The following TTC7B variants were observed in gnomAD, a reference collection of about 807,000 sequenced individuals.
TTC7B encodes tetratricopeptide repeat protein 7B.
In TTC7B, 28 loss-of-function variants were observed where a neutral mutation model predicts 106.8. That is an observed-to-expected ratio of 0.26 (90% CI 0.19 to 0.36). The LOEUF (loss-of-function observed/expected upper bound fraction) is 0.36, where lower values mean the gene tolerates loss of function less well. Among genes scored for constraint, TTC7B ranks in the 10% least tolerant of loss-of-function variants. The pLI is 1.00. For synonymous variants in TTC7B, 405 were observed against 430.6 expected (o/e 0.94, Z 0.74); for missense variants, 862 against 1,076.4 (o/e 0.80, Z 2.79).
intron 19 of TTC7B, among the ~76,000 whole-genome samples, chr14:90,549,122 C>T (rs1172098397): frequency 2.1e-5 from 3 of 144,102 alleles, no homozygotes; most frequent in Admixed American, 1.4e-4. Flanking sequence ...AGCAAGACTC[C>T]GTCTCAAAAA....
At position 90,637,483 on chromosome 14, in the gene TTC7B, T is replaced by C. The variant is rs145982327; in HGVS notation, c.1751+6565A>G. Among the ~76,000 whole-genome samples, 750 of 151,968 alleles carry C rather than the reference T, an allele frequency of 4.9e-3. 6 individuals are homozygous for C. Among genetic ancestry groups the C allele is most frequent in the African/African-American group, 0.017 (717 of 41,422 alleles). On this transcript the variant is annotated intron_variant, in intron 15 of 19. Transcript: ENST00000328459. Reference sequence around the variant, plus strand: ...TCTCAGAACAAATAATTCCAAAACATGCAAAAAGAAAAAGTACTACTCCAA... The same window carrying C: ...TCTCAGAACAAATAATTCCAAAACACGCAAAAAGAAAAAGTACTACTCCAA...
At chr14:90,611,787 T>C (rs1427977871) in intron 16 of TTC7B, among the ~76,000 whole-genome samples, 1 of 152,182 alleles carries the variant, frequency 6.6e-6, no homozygotes, top group Non-Finnish European at 1.5e-5. Flanking sequence ...CTAACATGGA[T>C]TTCTTTTTTA....
intron 17 of TTC7B, chr14:90,602,106 T>C: frequency 2.2e-6 from 1 of 456,042 alleles, no homozygotes; most frequent in Non-Finnish European, 4.4e-6. Flanking sequence ...TGAGGGGCAG[T>C]ATTTGCCATA....
chr14:90,599,275 T>G (rs1034651003), intron 17 of TTC7B, among the ~76,000 whole-genome samples: 1 of 152,166 alleles, frequency 6.6e-6, no homozygotes, highest in African/African-American at 2.4e-5. Flanking sequence ...ATATTCCAGC[T>G]CTCCTTCTAA....
chr14:90,735,831 A>C (rs1889501346), intron 4 of TTC7B, among the ~76,000 whole-genome samples: 1 of 152,198 alleles, frequency 6.6e-6, no homozygotes, highest in Non-Finnish European at 1.5e-5. Context: ...TTAAAAATTC[A>C]ACCAAATCCC....
Position 90,578,363 on chromosome 14 carries a change from G to T in TTC7B, c.2108-55C>A. ...TCCTGGTGCCCCTCTGAGGCCCTGC[G>T]AGCAGCCACCACTCTGATGTTCGTG... On this transcript the variant is annotated intron_variant, in intron 18 of 19. Coordinates refer to ENST00000328459, the MANE Select transcript of TTC7B (RefSeq NM_001010854.2). This position sits in a 1 kb window ranked among gnomAD's most constrained non-coding sequence, Gnocchi z 4.7. The T allele has an allele frequency of 6.4e-7, 1 of 1,552,876 alleles. No homozygotes were observed. Among genetic ancestry groups the T allele is most frequent in the Non-Finnish European group, 8.8e-7 (1 of 1,138,648 alleles).
intron 17 of TTC7B, among the ~76,000 whole-genome samples, chr14:90,598,048 C>T (rs965036489): frequency 2.0e-5 from 3 of 152,234 alleles, no homozygotes; most frequent in Non-Finnish European, 2.9e-5. Flanking sequence ...CTCTCATCTG[C>T]CACCCAGCTT....
chr14:90,607,534 T>C (rs1230037701), intron 17 of TTC7B, among the ~76,000 whole-genome samples: 1 of 152,218 alleles, frequency 6.6e-6, no homozygotes, highest in African/African-American at 2.4e-5. Context: ...CTCGGATAAG[T>C]TCCTTTTCTC....
At chr14:90,571,018 A>G (rs1194043464) in intron 19 of TTC7B, among the ~76,000 whole-genome samples, 1 of 152,174 alleles carries the variant, frequency 6.6e-6, no homozygotes, top group Non-Finnish European at 1.5e-5. Flanking sequence ...CCACACCAAC[A>G]TACGATTTCA....
chr14:90,633,723 A>G (rs1884801784), intron 15 of TTC7B, among the ~76,000 whole-genome samples: 1 of 152,198 alleles, frequency 6.6e-6, no homozygotes, highest in African/African-American at 2.4e-5. Flanking sequence ...TTACTAAGTA[A>G]AATGTATTAA....
chr14:90,770,387 T>C (rs1890823945), intron 3 of TTC7B, among the ~76,000 whole-genome samples: 1 of 152,142 alleles, frequency 6.6e-6, no homozygotes, highest in Admixed American at 6.5e-5. Flanking sequence ...CCAGGCGCGG[T>C]GGCTCACGCC....
intron 13 of TTC7B, among the ~76,000 whole-genome samples, chr14:90,651,907 G>A (rs965289901): frequency 1.3e-5 from 2 of 152,196 alleles, no homozygotes; most frequent in African/African-American, 4.8e-5. Context: ...GTCAGGTATT[G>A]GGAAGGCCTC....
At chr14:90,710,596 T>C (rs1406948463) in intron 5 of TTC7B, among the ~76,000 whole-genome samples, 1 of 152,192 alleles carries the variant, frequency 6.6e-6, no homozygotes, top group Admixed American at 6.5e-5. Context: ...TACACTTCAT[T>C]GTTGTCTTAT....
chr14:90,696,012 C>CA (rs1388620345), intron 5 of TTC7B, among the ~76,000 whole-genome samples: 2 of 151,878 alleles, frequency 1.3e-5, no homozygotes, highest in Non-Finnish European at 2.9e-5. Flanking sequence ...ATGGAAGGCA[C>CA]AAAAAAACAG....
Position 90,744,925 on chromosome 14 carries a change from T to C in TTC7B, c.446-3A>G. 4 of 1,611,424 alleles carry C rather than the reference T, an allele frequency of 2.5e-6. No individual in the cohort carries two copies. The highest frequency in any genetic ancestry group is 3.4e-6 in the Non-Finnish European group (4 of 1,179,438). On this transcript the variant is annotated splice_region_variant and splice_polypyrimidine_tract_variant and intron_variant, in intron 3 of 19. Coordinates refer to ENST00000328459, the MANE Select transcript of TTC7B (RefSeq NM_001010854.2). The stretch of plus-strand genomic sequence containing the variant: ...AGGCAGCTTCTCCAAACAAAGTCCT[T>C]AAAAAAATATCAGACACAAAAACTG...
rs796826251 is a variant in TTC7B, at chr14:90,608,024, T to C, written c.1966+2718A>G. Among the ~76,000 whole-genome samples, 11 of 152,252 alleles carry C rather than the reference T, an allele frequency of 7.2e-5. No individual in the cohort carries two copies. Among genetic ancestry groups the C allele is most frequent in the African/African-American group, 2.4e-4 (10 of 41,558 alleles). ...GTTTTTAGCTTTTGAATTATGTAAA[T>C]GTATTTCCTCTTCAAATCAAATCAA... On this transcript the variant is annotated intron_variant, in intron 17 of 19. Transcript: ENST00000328459. The surrounding 1 kb of genome is among the most constrained non-coding windows in gnomAD (Gnocchi z 5.1).
intron 17 of TTC7B, among the ~76,000 whole-genome samples, chr14:90,596,200 G>A (rs767702183): frequency 1.3e-5 from 2 of 151,996 alleles, no homozygotes; most frequent in Admixed American, 6.6e-5. Context: ...TTATTGCTCT[G>A]GAAACATTCC....
rs559502741 is a variant in TTC7B at position 90,529,778 on chromosome 14, A to G, written c.*11590T>C. The G allele has an allele frequency of 1.5e-4, 23 of 152,310 alleles. No individual in the cohort carries two copies. The highest frequency in any genetic ancestry group is 5.1e-4 in the African/African-American group (21 of 41,566). 9.4% of individuals were successfully genotyped at this position (152,310 alleles called of 1,614,324 possible). A position where few individuals can be genotyped will look rare whatever the true frequency, so the allele number is the denominator to read the frequency against. On this transcript the variant is annotated 3_prime_UTR_variant, in exon 20 of 20. Transcript: ENST00000328459. Reference sequence around the variant, plus strand: ...ATTGTGAGCTGGCATTACCCATTCCATTGTATGTGGCATGACAATGTGAAA... The same window carrying G: ...ATTGTGAGCTGGCATTACCCATTCCGTTGTATGTGGCATGACAATGTGAAA...
chr14:90,588,886 T>TAAAAAAAAAAA (rs572763059), intron 18 of TTC7B, among the ~76,000 whole-genome samples: 3 of 81,718 alleles, frequency 3.7e-5, no homozygotes, highest in East Asian at 3.2e-4. Flanking sequence ...AAACAAAAAC[T>TAAAAAAAAAAA]AAAAAAAAAA....
Sources: gnomAD v4.1 joint callset for allele counts (sites outside exome capture counted in the v4.1 genomes callset) on GRCh38, gnomAD v4.1.1 for gene constraint, Gnocchi (gnomAD v3.1) non-coding constraint, MANE v1.5 for transcripts, NCBI Gene and HGNC (gene_info 2026-07-23, HGNC 2026-07-21) for gene names.